The following MACROD2 variants were observed in gnomAD, a reference collection of about 807,000 sequenced individuals.
The protein encoded by MACROD2 is ADP-ribose glycohydrolase MACROD2.
In MACROD2, 36 loss-of-function variants were observed where a neutral mutation model predicts 70.4. The observed-to-expected ratio is 0.51, with a 90% CI of 0.39 to 0.68. The LOEUF (loss-of-function observed/expected upper bound fraction) is 0.68, where lower values mean the gene tolerates loss of function less well. Ranked by LOEUF, MACROD2 falls within the 30% of genes least tolerant of loss-of-function variation. MACROD2 has a pLI of 0.00. For missense variants in MACROD2, 496 were observed against 538.4 expected (o/e 0.92, Z 0.78); for synonymous variants, 172 against 178.8 (o/e 0.96, Z 0.30).
chr20:14,722,898 T>A (rs1167424680), intron 5 of MACROD2, among the ~76,000 whole-genome samples: 2 of 152,166 alleles, frequency 1.3e-5, no homozygotes. Context: ...GACAAAAAAA[T>A]AATTATAATA....
intron 3 of MACROD2, among the ~76,000 whole-genome samples, chr20:14,252,510 A>G (rs997461575): frequency 1.3e-5 from 2 of 151,788 alleles, no homozygotes; most frequent in Non-Finnish European, 2.9e-5. Flanking sequence ...CACATATTCT[A>G]TGTATTATTT....
At chr20:14,360,618 C>T (rs910212630) in intron 3 of MACROD2, among the ~76,000 whole-genome samples, 3 of 152,148 alleles carry the variant, frequency 2.0e-5, no homozygotes, top group African/African-American at 7.2e-5. Flanking sequence ...CCCTGACAGC[C>T]TTGCTAGGTT....
At chr20:14,723,140 T>C (rs550260228) in intron 5 of MACROD2, among the ~76,000 whole-genome samples, 9 of 152,270 alleles carry the variant, frequency 5.9e-5, no homozygotes, top group African/African-American at 2.2e-4. Context: ...CACAAAAATA[T>C]GTATTTTGTG....
At chr20:14,978,934 T>A (rs1246911961) in intron 5 of MACROD2, among the ~76,000 whole-genome samples, 1 of 144,046 alleles carries the variant, frequency 6.9e-6, no homozygotes, top group Non-Finnish European at 1.5e-5. Flanking sequence ...ATAATATATA[T>A]CATAATATAT....
intron 13 of MACROD2, among the ~76,000 whole-genome samples, chr20:15,983,057 G>C (rs926416261): frequency 2.6e-5 from 4 of 152,174 alleles, no homozygotes; most frequent in African/African-American, 9.7e-5. Context: ...CTCAGGGCTG[G>C]GGCCAACATG....
At chr20:14,079,832 A>T (rs2053966006) in intron 2 of MACROD2, among the ~76,000 whole-genome samples, 1 of 152,158 alleles carries the variant, frequency 6.6e-6, no homozygotes, top group Non-Finnish European at 1.5e-5. Context: ...TACCTGGCTT[A>T]TTGGGCAGGG....
chr20:14,432,687 G>A (rs2084008080), intron 3 of MACROD2, among the ~76,000 whole-genome samples: 1 of 152,058 alleles, frequency 6.6e-6, no homozygotes, highest in Non-Finnish European at 1.5e-5. Flanking sequence ...GAGCACTTCA[G>A]GTATGAGGCC....
intron 6 of MACROD2, among the ~76,000 whole-genome samples, chr20:15,267,128 G>C (rs1026948049): frequency 6.6e-6 from 1 of 152,120 alleles, no homozygotes; most frequent in Non-Finnish European, 1.5e-5. Context: ...CGTCCTTCAC[G>C]ATCCCTTAAA....
At chr20:15,700,922 A>G (rs2146896176) in intron 8 of MACROD2, among the ~76,000 whole-genome samples, 1 of 152,358 alleles carries the variant, frequency 6.6e-6, no homozygotes, top group East Asian at 1.9e-4. Flanking sequence ...TTGAGTGCCT[A>G]CACAAATGTT....
At chr20:14,595,032 A>C (rs1353707314) in intron 4 of MACROD2, among the ~76,000 whole-genome samples, 1 of 152,134 alleles carries the variant, frequency 6.6e-6, no homozygotes, top group Non-Finnish European at 1.5e-5. Flanking sequence ...AACAACAAAC[A>C]CATTTGCATA....
At chr20:14,208,175 T>C (rs1162271229) in intron 3 of MACROD2, among the ~76,000 whole-genome samples, 1 of 152,098 alleles carries the variant, frequency 6.6e-6, no homozygotes, top group Non-Finnish European at 1.5e-5. Context: ...TCAGCTTCCT[T>C]TGGGGAGAGT....
At chr20:15,415,609 A>G (rs901893290) in intron 6 of MACROD2, among the ~76,000 whole-genome samples, 3 of 152,242 alleles carry the variant, frequency 2.0e-5, no homozygotes, top group Admixed American at 1.3e-4. Context: ...TCAAGATGCA[A>G]TCATAAGATT....
chr20:15,888,082 C>T (rs1055753719), intron 10 of MACROD2, among the ~76,000 whole-genome samples: 23 of 152,110 alleles, frequency 1.5e-4, no homozygotes, highest in African/African-American at 5.6e-4. Context: ...TTCTTCCCTA[C>T]TCCTCTTGTG....
chr20:15,541,833 A>G (rs1160865814), intron 8 of MACROD2, among the ~76,000 whole-genome samples: 1 of 152,208 alleles, frequency 6.6e-6, no homozygotes, highest in Non-Finnish European at 1.5e-5. Flanking sequence ...GAATCTCAAT[A>G]GCCCATAACT....
intron 5 of MACROD2, among the ~76,000 whole-genome samples, chr20:14,906,968 G>T (rs973700920): frequency 2.0e-5 from 3 of 152,178 alleles, no homozygotes; most frequent in Non-Finnish European, 4.4e-5. Context: ...GAATTGTATG[G>T]AATGCAGTAG....
chr20:14,343,737 A>T (rs544477838), intron 3 of MACROD2, among the ~76,000 whole-genome samples: 1 of 152,370 alleles, frequency 6.6e-6, no homozygotes, highest in Admixed American at 6.5e-5. Context: ...TTTGGCAATG[A>T]TTAGTATAAA....
At chr20:14,956,546 T>C (rs2074538649) in intron 5 of MACROD2, among the ~76,000 whole-genome samples, 1 of 152,110 alleles carries the variant, frequency 6.6e-6, no homozygotes. Flanking sequence ...TGTGCTGTTG[T>C]TTTTTTAGTA....
intron 3 of MACROD2, among the ~76,000 whole-genome samples, chr20:14,138,088 G>A (rs997315185): frequency 6.6e-6 from 1 of 152,110 alleles, no homozygotes; most frequent in African/African-American, 2.4e-5. Context: ...CTATTATAAA[G>A]AAGAGACAAA....
chr20:14,145,761 A>G (rs1410803085), intron 3 of MACROD2, among the ~76,000 whole-genome samples: 1 of 152,248 alleles, frequency 6.6e-6, no homozygotes, highest in Non-Finnish European at 1.5e-5. Context: ...ATTCTCTATT[A>G]GAAATCCTCA....
Sources: allele counts gnomAD v4.1 joint callset (sites outside exome capture counted in the v4.1 genomes callset), GRCh38; gene constraint gnomAD v4.1.1; transcripts MANE v1.5; gene names NCBI Gene and HGNC (gene_info 2026-07-23, HGNC 2026-07-21).